ZNF814: variants seen among roughly 807,000 people sequenced by gnomAD.
The protein encoded by ZNF814 is zinc finger protein 814.
A neutral mutation model predicts 7.5 loss-of-function variants in ZNF814; 5 were observed. That is an observed-to-expected ratio of 0.67 (90% CI 0.35 to 1.40). The LOEUF is 1.40. Among genes scored for constraint, ZNF814 ranks in the 40% most tolerant of loss-of-function variants. ZNF814 has a pLI of 0.04. For missense variants in ZNF814, 962 were observed against 1,018.0 expected (o/e 0.94, Z 0.75); for synonymous variants, 315 against 340.7 (o/e 0.92, Z 0.83).
At chr19:57,896,905 CCT>C in the ZNF814 span, among the ~76,000 whole-genome samples, 1 of 152,128 alleles carries the variant, frequency 6.6e-6, no homozygotes, top group African/African-American at 2.4e-5. The surrounding 1 kb of genome is among the most constrained non-coding windows in gnomAD (Gnocchi z 4.2). Flanking sequence ...GCCATCTGTG[CCT>C]GTTTCCTTTC....
At chr19:57,896,920 C>T in the ZNF814 span, among the ~76,000 whole-genome samples, 1 of 152,108 alleles carries the variant, frequency 6.6e-6, no homozygotes, top group Admixed American at 6.5e-5. This position sits in a 1 kb window ranked among gnomAD's most constrained non-coding sequence, Gnocchi z 4.2. Flanking sequence ...TTCCTTTCAA[C>T]AGTTAAAGGG....
At chr19:57,904,034 T>C in the ZNF814 span, among the ~76,000 whole-genome samples, 1 of 152,160 alleles carries the variant, frequency 6.6e-6, no homozygotes, top group African/African-American at 2.4e-5. Flanking sequence ...TGAAACCCCT[T>C]GTGGCTTGGA....
rs1042306235 is a variant in ZNF814 at position 57,871,564 on chromosome 19, G to C, written c.*1258C>G. The C allele has an allele frequency of 6.6e-6, 1 of 152,116 alleles. No individual in the cohort carries two copies. Among genetic ancestry groups the C allele is most frequent in the Non-Finnish European group, 1.5e-5 (1 of 68,040 alleles). 9.4% of individuals were successfully genotyped at this position (152,116 alleles called of 1,614,324 possible). A position where few individuals can be genotyped will look rare whatever the true frequency, so the allele number is the denominator to read the frequency against. The stretch of plus-strand genomic sequence containing the variant: ...AAGGCCTTCATAATAGCACAAACCG[G>C]AGAAATGGGAGGCAAGCTGTTCTTA... On this transcript the variant is annotated 3_prime_UTR_variant, in exon 3 of 3. Transcript: ENST00000435989.
the ZNF814 span, among the ~76,000 whole-genome samples, chr19:57,899,417 C>T: frequency 1.3e-5 from 2 of 152,158 alleles, no homozygotes; most frequent in Admixed American, 1.3e-4. Context: ...ACTTCTACTC[C>T]CTTTCAATAT....
At chr19:57,891,597 A>G (rs1159134317), upstream of ZNF814, among the ~76,000 whole-genome samples, 1 of 152,030 alleles carries the variant, frequency 6.6e-6, no homozygotes, top group African/African-American at 2.4e-5. Flanking sequence ...CACCCCTGGA[A>G]TCCCAGCACT....
the ZNF814 span, among the ~76,000 whole-genome samples, chr19:57,897,952 AG>A: frequency 6.6e-6 from 1 of 152,198 alleles, no homozygotes; most frequent in African/African-American, 2.4e-5. Flanking sequence ...AAAGAACAGG[AG>A]GCTTTGGTAG....
At chr19:57,903,446 C>T in the ZNF814 span, among the ~76,000 whole-genome samples, 1 of 152,258 alleles carries the variant, frequency 6.6e-6, no homozygotes, top group Non-Finnish European at 1.5e-5. Flanking sequence ...AACTAGAATT[C>T]AAATGCAATG....
At chr19:57,880,518 G>A (rs150020344) in intron 1 of ZNF814, among the ~76,000 whole-genome samples, 587 of 151,168 alleles carry the variant, frequency 3.9e-3, no homozygotes, top group African/African-American at 0.014. Context: ...TAGTGTTTCC[G>A]GTTGAAAGGA....
chr19:57,883,583 C>T (rs1206176199), intron 1 of ZNF814, among the ~76,000 whole-genome samples: 1 of 150,662 alleles, frequency 6.6e-6, no homozygotes, highest in African/African-American at 2.4e-5. Flanking sequence ...ATCGCTTGAA[C>T]CTGGGAGGCG....
At position 57,873,678 on chromosome 19, in the gene ZNF814, G is replaced by A. The variant is rs1318907597; in HGVS notation, c.1712C>T (p.Pro571Leu). ...TCCACACCCATAAGATCTTTCTCTA[G>A]GGTGAACTCGCTGATGTAGAATGAG... ...GTLILHQRVH[P>L]RERSYGCGEC... Residue 571 changes from proline to leucine, a missense_variant, in exon 3 of 3, where the codon CCT (proline) becomes CTT (leucine). By Grantham distance (98) the Pro-to-Leu change is moderately conservative. Around this residue, in one of 7 missense-constraint regions of ZNF814, gnomAD observed 665 missense variants for 551.4 expected, o/e 1.21. Coordinates refer to ENST00000435989, the MANE Select transcript of ZNF814 (RefSeq NM_001144989.2). 2.5e-6 allele frequency: 4 copies of A among 1,613,688 alleles called. No homozygotes were observed. Among genetic ancestry groups the A allele is most frequent in the Non-Finnish European group, 3.4e-6 (4 of 1,179,930 alleles).
chr19:57,903,919 T>C, the ZNF814 span, among the ~76,000 whole-genome samples: 2 of 152,162 alleles, frequency 1.3e-5, no homozygotes, highest in African/African-American at 4.8e-5. Context: ...TCTTGGAACA[T>C]GTCCTGGGTC....
upstream of ZNF814, among the ~76,000 whole-genome samples, chr19:57,891,844 C>T (rs2071736572): frequency 6.6e-6 from 1 of 152,122 alleles, no homozygotes; most frequent in South Asian, 2.1e-4. Context: ...ACCTCCACCT[C>T]CTGGGTTCGA....
chr19:57,871,359 C>G lies in ZNF814; in HGVS notation c.*1463G>C, dbSNP rs2071555754. The G allele has an allele frequency of 1.3e-5, 2 of 152,262 alleles. No individual in the cohort carries two copies. The highest frequency in any genetic ancestry group is 4.1e-4 in the South Asian group (2 of 4,822). The allele number at this position is 152,262 out of a possible 1,614,324, so 9.4% of individuals were successfully genotyped here. On this transcript the variant is annotated 3_prime_UTR_variant, in exon 3 of 3. Coordinates refer to ENST00000435989, the MANE Select transcript of ZNF814 (RefSeq NM_001144989.2). ...GGTCTTCTCTGGAGGCCTCTGGCAG[C>G]TATGCAAAGCAGTCCACAAGTGGAG...
Position 57,889,018 on chromosome 19 carries a change from A to C in ZNF814, c.-216T>G. 1 of 557,702 alleles carries C rather than the reference A, an allele frequency of 1.8e-6. No homozygotes were observed. The highest frequency in any genetic ancestry group is 3.2e-6 in the Non-Finnish European group (1 of 314,370). 34.5% of individuals were successfully genotyped at this position (557,702 alleles called of 1,614,324 possible). A position where few individuals can be genotyped will look rare whatever the true frequency, so the allele number is the denominator to read the frequency against. On this transcript the variant is annotated 5_prime_UTR_variant, in exon 1 of 3. It adds an upstream start codon to the 5' untranslated region. Coordinates refer to ENST00000435989, the MANE Select transcript of ZNF814 (RefSeq NM_001144989.2). ...CGCTCAGGAGCCTCTCCTACAAATA[A>C]ATCCAACACCAATCAAAATGGCCGC...
the ZNF814 span, among the ~76,000 whole-genome samples, chr19:57,901,451 A>G: frequency 3.7e-4 from 57 of 152,236 alleles, no homozygotes; most frequent in Admixed American, 1.6e-3. Flanking sequence ...GTTGGGAAAA[A>G]GGAAAAATAA....
chr19:57,886,770 C>A (rs890843485), intron 1 of ZNF814, among the ~76,000 whole-genome samples: 96 of 151,994 alleles, frequency 6.3e-4, no homozygotes, highest in African/African-American at 2.3e-3. Context: ...ATCCCAGCTA[C>A]TCGGGAGGCT....
At chr19:57,882,601 T>G in intron 1 of ZNF814, among the ~76,000 whole-genome samples, 1 of 120,224 alleles carries the variant, frequency 8.3e-6, no homozygotes. Flanking sequence ...CCAACAAGAG[T>G]CTCTACCTGT....
At chr19:57,892,753 G>C (rs558065318), upstream of ZNF814, among the ~76,000 whole-genome samples, 32 of 152,300 alleles carry the variant, frequency 2.1e-4, no homozygotes, top group South Asian at 6.0e-3. Flanking sequence ...GAGTGGGGGG[G>C]GCTTCTCTGG....
rs2071556920 is a variant in ZNF814 at position 57,871,530 on chromosome 19, T to C, written c.*1292A>G. On this transcript the variant is annotated 3_prime_UTR_variant, in exon 3 of 3. Coordinates refer to ENST00000435989, the MANE Select transcript of ZNF814 (RefSeq NM_001144989.2). The stretch of plus-strand genomic sequence containing the variant: ...AACAACCCTCAAGATTGAAGAAGGC[T>C]GAAACAATAAGGCCTTCATAATAGC... 6.6e-6 allele frequency: 1 copy of C among 152,110 alleles called. No homozygotes were observed. Among genetic ancestry groups the C allele is most frequent in the African/African-American group, 2.4e-5 (1 of 41,416 alleles). 9.4% of individuals were successfully genotyped at this position (152,110 alleles called of 1,614,324 possible). A position where few individuals can be genotyped will look rare whatever the true frequency, so the allele number is the denominator to read the frequency against.
Sources: allele counts gnomAD v4.1 joint callset (sites outside exome capture counted in the v4.1 genomes callset), GRCh38; gene constraint gnomAD v4.1.1; regional missense constraint gnomAD v4.1.1; non-coding constraint Gnocchi (gnomAD v3.1); transcripts MANE v1.5; gene names NCBI Gene and HGNC (gene_info 2026-07-23, HGNC 2026-07-21).